BMP2K: variants seen among roughly 807,000 people sequenced by gnomAD.
BMP2K encodes the protein BMP-2-inducible protein kinase.
A neutral mutation model predicts 116.0 loss-of-function variants in BMP2K; 74 were observed. The observed-to-expected ratio is 0.64, with a 90% CI of 0.53 to 0.77. The LOEUF (loss-of-function observed/expected upper bound fraction) is 0.77, where lower values mean the gene tolerates loss of function less well. Among genes scored for constraint, BMP2K ranks in the 30% least tolerant of loss-of-function variants. BMP2K has a pLI of 0.00. For missense variants in BMP2K, 1,365 were observed against 1,403.6 expected (o/e 0.97, Z 0.44); for synonymous variants, 486 against 502.5 (o/e 0.97, Z 0.44).
chr4:78,879,458 T>C (rs923880940), intron 14 of BMP2K: 1 of 967,198 alleles, frequency 1.0e-6, no homozygotes, highest in African/African-American at 1.8e-5. Context: ...ATGTTTTTAC[T>C]TGGAATCATT....
intron 2 of BMP2K, among the ~76,000 whole-genome samples, chr4:78,826,662 A>G (rs1370630846): frequency 6.6e-6 from 1 of 151,918 alleles, no homozygotes; most frequent in Non-Finnish European, 1.5e-5. Flanking sequence ...CGGATACTAA[A>G]CTCTGCAGAT....
intron 1 of BMP2K, among the ~76,000 whole-genome samples, chr4:78,796,182 A>T (rs1412554898): frequency 1.3e-5 from 2 of 152,182 alleles, no homozygotes; most frequent in Non-Finnish European, 2.9e-5. Flanking sequence ...AAAATGTGGC[A>T]CATATACACC....
At chr4:78,787,350 C>T (rs1185791575) in intron 1 of BMP2K, among the ~76,000 whole-genome samples, 1 of 152,146 alleles carries the variant, frequency 6.6e-6, no homozygotes, top group Non-Finnish European at 1.5e-5. Context: ...TATTTTTGGA[C>T]TCCTAGCCTG....
intron 9 of BMP2K, among the ~76,000 whole-genome samples, chr4:78,863,252 G>GA (rs34100422): frequency 6.6e-6 from 1 of 151,882 alleles, no homozygotes; most frequent in Admixed American, 6.6e-5. Context: ...GTGAAAACTT[G>GA]AAAAAATCTA....
chr4:78,819,073 A>G (rs1277677849), intron 1 of BMP2K, among the ~76,000 whole-genome samples: 4 of 152,186 alleles, frequency 2.6e-5, no homozygotes, highest in East Asian at 1.9e-4. Flanking sequence ...GTAGGCATAC[A>G]ATATTATTTA....
intron 1 of BMP2K, among the ~76,000 whole-genome samples, chr4:78,793,423 A>AT (rs1030114913): frequency 1.3e-5 from 2 of 151,724 alleles, no homozygotes; most frequent in African/African-American, 4.8e-5. Flanking sequence ...AAAAAAAAAA[A>AT]AATTAAAAAA....
intron 15 of BMP2K, among the ~76,000 whole-genome samples, chr4:78,897,966 G>A (rs1055530815): frequency 6.6e-6 from 1 of 152,204 alleles, no homozygotes; most frequent in Non-Finnish European, 1.5e-5. Flanking sequence ...GGTGCACAAA[G>A]GAGAGAGTTG....
chr4:78,880,347 C>T (rs1295919211), intron 14 of BMP2K, among the ~76,000 whole-genome samples: 1 of 152,206 alleles, frequency 6.6e-6, no homozygotes, highest in Non-Finnish European at 1.5e-5. Context: ...ACTGGGATTA[C>T]AGGCGTGAGC....
intron 3 of BMP2K, among the ~76,000 whole-genome samples, chr4:78,838,407 A>G (rs1028948204): frequency 2.0e-5 from 3 of 152,218 alleles, no homozygotes; most frequent in African/African-American, 4.8e-5. Context: ...ATTACAGATC[A>G]GTTGCACCCT....
chr4:78,845,470 CTG>C (rs923519964), intron 5 of BMP2K, among the ~76,000 whole-genome samples: 20 of 151,730 alleles, frequency 1.3e-4, no homozygotes, highest in Admixed American at 1.1e-3. Context: ...GCATTGAAAA[CTG>C]TGTAGAAAAT....
intron 4 of BMP2K, 102 bp downstream of exon 4, chr4:78,842,629 G>GTC (rs533661766): frequency 1.4e-5 from 15 of 1,087,436 alleles, no homozygotes; most frequent in African/African-American, 4.8e-5. Flanking sequence ...TTTGAGGTTG[G>GTC]TCTCTCTCTC....
At position 78,910,712 on chromosome 4, in the gene BMP2K, G is replaced by A. The variant is rs200678439; in HGVS notation, c.2165G>A (p.Arg722Gln). 2.4e-4 allele frequency: 395 copies of A among 1,613,230 alleles called. 1 individual carries two copies. Among genetic ancestry groups the A allele is most frequent in the Middle Eastern group, 1.3e-3 (8 of 6,058 alleles). Residue 722 changes from arginine (R) to glutamine (Q), a missense_variant, in exon 16 of 16, where the codon CGG (arginine) becomes CAG (glutamine). Around this residue, in one of 3 missense-constraint regions of BMP2K, gnomAD observed 596 missense variants for 623.2 expected, o/e 0.96. Coordinates refer to ENST00000502613, the MANE Select transcript of BMP2K (RefSeq NM_198892.2). ...ACAAGTCCAGCATCTAAAGATCAGC[G>A]GACTGGAAAGAAAACCTCAGTACAG... Reference protein sequence around the residue: ...GKTSPASKDQRTGKKTSVQGQ... With the variant: ...GKTSPASKDQQTGKKTSVQGQ...
chr4:78,804,512 A>G (rs1194690480), intron 1 of BMP2K, among the ~76,000 whole-genome samples: 2 of 152,040 alleles, frequency 1.3e-5, no homozygotes, highest in Non-Finnish European at 2.9e-5. Flanking sequence ...GACCTACTAT[A>G]TTTTTCCATA....
chr4:78,843,896 C>CT (rs1239235279), intron 4 of BMP2K, among the ~76,000 whole-genome samples: 1 of 151,778 alleles, frequency 6.6e-6, no homozygotes. Context: ...ATTTTATATG[C>CT]TTAGTGCTTT....
intron 3 of BMP2K, 83 bp downstream of exon 3, chr4:78,833,770 G>A (rs1730325163): frequency 2.4e-6 from 2 of 834,966 alleles, no homozygotes; most frequent in South Asian, 1.6e-5. Context: ...TTCCAGGGTA[G>A]CTGCTAACTA....
intron 1 of BMP2K, among the ~76,000 whole-genome samples, chr4:78,792,461 C>G (rs1229313572): frequency 2.0e-5 from 3 of 152,134 alleles, no homozygotes; most frequent in Middle Eastern, 3.2e-3. Context: ...TTCATTTAGA[C>G]TTGGATATTT....
chr4:78,806,944 G>A (rs551542242), intron 1 of BMP2K, among the ~76,000 whole-genome samples: 4 of 151,822 alleles, frequency 2.6e-5, no homozygotes, highest in African/African-American at 9.7e-5. Flanking sequence ...CACCTCCCAG[G>A]TTCAAGCAAT....
At chr4:78,839,374 A>G (rs1290499362) in intron 3 of BMP2K, among the ~76,000 whole-genome samples, 1 of 152,208 alleles carries the variant, frequency 6.6e-6, no homozygotes. Flanking sequence ...TGGGACTAGG[A>G]CACTGACGCT....
At chr4:78,888,849 A>G (rs1291573910) in intron 15 of BMP2K, among the ~76,000 whole-genome samples, 2 of 152,212 alleles carry the variant, frequency 1.3e-5, no homozygotes, top group Non-Finnish European at 2.9e-5. Flanking sequence ...AATACTGTTC[A>G]TTGAATGTGC....
Sources: allele counts gnomAD v4.1 joint callset (sites outside exome capture counted in the v4.1 genomes callset), GRCh38; gene constraint gnomAD v4.1.1; regional missense constraint gnomAD v4.1.1; transcripts MANE v1.5; gene names NCBI Gene and HGNC (gene_info 2026-07-23, HGNC 2026-07-21).